PIK3R1: variants seen among roughly 807,000 people sequenced by gnomAD.
The protein encoded by PIK3R1 is phosphoinositide-3-kinase regulatory subunit 1, also known as phosphatidylinositol 3-kinase regulatory subunit alpha.
In PIK3R1, 29 loss-of-function variants were observed where a neutral mutation model predicts 98.0. The ratio of observed to expected loss-of-function variants is 0.30; its 90% CI spans 0.22 to 0.40. The LOEUF (loss-of-function observed/expected upper bound fraction) is 0.40. Ranked by LOEUF, PIK3R1 falls within the 10% of genes least tolerant of loss-of-function variation. The pLI is 1.00. For synonymous variants in PIK3R1, 282 were observed against 311.8 expected (o/e 0.90, Z 1.01); for missense variants, 596 against 872.7 (o/e 0.68, Z 3.99).
At chr5:68,262,775 A>C (rs1457869626) in intron 2 of PIK3R1, among the ~76,000 whole-genome samples, 20 of 113,830 alleles carry the variant, frequency 1.8e-4, no homozygotes, top group Middle Eastern at 5.2e-3. Flanking sequence ...ATACATGTAG[A>C]TGCATGTAGA....
In PIK3R1 at chr5:68,295,297, T is replaced by G. The variant is rs761402403; in HGVS notation, c.1718T>G (p.Leu573Arg). The G allele has an allele frequency of 6.2e-7, 1 of 1,614,146 alleles. No homozygotes were observed. Among genetic ancestry groups the G allele is most frequent in the South Asian group, 1.1e-5 (1 of 91,080 alleles). Residue 573 changes from leucine (L) to arginine (R), a missense_variant, in exon 13 of 16, where the codon CTG becomes CGG. Transcript: ENST00000521381. ...AGCATTAAACCAGACCTTATCCAGC[T>G]GAGAAAGACGAGAGACCAATACTTG... is the stretch of plus-strand genomic sequence containing the variant. ...MNSIKPDLIQ[L>R]RKTRDQYLMW...
chr5:68,292,736 G>C lies in PIK3R1; in HGVS notation c.1020-365G>C, dbSNP rs1179574253. The stretch of plus-strand genomic sequence containing the variant: ...TTTGGGAAGGGGGAGTAAGGTTGGA[G>C]AAACTCTTTTGAGATCATGAGTTTC... On this transcript the variant is annotated intron_variant, in intron 8 of 15. Coordinates refer to ENST00000521381, the MANE Select transcript of PIK3R1 (RefSeq NM_181523.3). The C allele has an allele frequency of 3.1e-6, 4 of 1,274,554 alleles. No individual in the cohort carries two copies. In the Admixed American group the frequency reaches 1.5e-4, roughly 47 times the overall value. The allele number at this position is 1,274,554 out of a possible 1,614,324, so 79.0% of individuals were successfully genotyped here. A position where few individuals can be genotyped will look rare whatever the true frequency, so the allele number is the denominator to read the frequency against.
At chr5:68,291,461 ATTTAT>A (rs1231185039) in intron 7 of PIK3R1, 1 of 152,150 alleles carries the variant, frequency 6.6e-6, no homozygotes, top group African/African-American at 2.4e-5. Context: ...AAAATCCTAG[ATTTAT>A]TTTGTTTCCT....
intron 8 of PIK3R1, 29 bp from the exon 9 acceptor site, chr5:68,293,072 A>T (rs1224391791): frequency 6.5e-7 from 1 of 1,535,082 alleles, no homozygotes; most frequent in East Asian, 2.3e-5. Context: ...AAACCTTAAG[A>T]TGAGCATTGT....
chr5:68,263,511 A>G (rs2112127881), intron 2 of PIK3R1, among the ~76,000 whole-genome samples: 1 of 152,066 alleles, frequency 6.6e-6, no homozygotes, highest in East Asian at 1.9e-4. Flanking sequence ...TGTTTATTTC[A>G]CTACTGATCA....
chr5:68,249,433 C>T lies in PIK3R1; in HGVS notation c.334+22424C>T, dbSNP rs1019893557. On this transcript the variant is annotated intron_variant, in intron 2 of 15. Coordinates refer to ENST00000521381, the MANE Select transcript of PIK3R1 (RefSeq NM_181523.3). ...TTATATTTCCATAAAACCAGATGTACGGGGTTGTTAAAATACTGCCTGGAC... is the reference window on the plus strand; with the variant it reads ...TTATATTTCCATAAAACCAGATGTATGGGGTTGTTAAAATACTGCCTGGAC... 5.3e-5 allele frequency among the ~76,000 whole-genome samples: 8 copies of T among 152,102 alleles called. No homozygotes were observed. In the East Asian group the frequency reaches 5.8e-4, roughly 11 times the overall value.
intron 7 of PIK3R1, chr5:68,290,922 T>G (rs1420140216): frequency 4.8e-6 from 4 of 834,038 alleles, no homozygotes; most frequent in Non-Finnish European, 5.6e-6. Flanking sequence ...CTTTTTGGAT[T>G]TCTGTTTTTA....
At chr5:68,262,892 T>TAG (rs1419490423) in intron 2 of PIK3R1, among the ~76,000 whole-genome samples, 7 of 111,870 alleles carry the variant, frequency 6.3e-5, no homozygotes, top group East Asian at 5.6e-4. Context: ...TAGATACATG[T>TAG]ATACATATAT....
At chr5:68,258,022 C>T (rs1745593452) in intron 2 of PIK3R1, among the ~76,000 whole-genome samples, 1 of 152,170 alleles carries the variant, frequency 6.6e-6, no homozygotes, top group African/African-American at 2.4e-5. Flanking sequence ...AAACTGGAAG[C>T]AGATATTTGA....
intron 2 of PIK3R1, among the ~76,000 whole-genome samples, chr5:68,247,804 G>A (rs757460727): frequency 3.8e-4 from 58 of 152,206 alleles, no homozygotes; most frequent in Admixed American, 6.5e-4. Flanking sequence ...CCTGCCCAAC[G>A]GGACAGGCCA....
rs569759755 is a variant in PIK3R1 at position 68,294,911 on chromosome 5, G to A, written c.1568+233G>A. Among the ~76,000 whole-genome samples, 54 of 150,702 alleles carry A rather than the reference G, an allele frequency of 3.6e-4. No individual in the cohort carries two copies. The East Asian group carries it at 0.01, about 29-fold the overall frequency. ...ACCAGCATGGCACATGTATACATAT[G>A]TAACTAACCTGCACAATGTGCACAT... On this transcript the variant is annotated intron_variant, in intron 12 of 15. Transcript: ENST00000521381.
chr5:68,281,601 T>C (rs1370892126), intron 7 of PIK3R1, among the ~76,000 whole-genome samples: 1 of 152,212 alleles, frequency 6.6e-6, no homozygotes, highest in African/African-American at 2.4e-5. Flanking sequence ...TGTATTTTTC[T>C]TCTACCGTGG....
intron 7 of PIK3R1, among the ~76,000 whole-genome samples, chr5:68,283,105 C>A (rs150923146): frequency 6.6e-5 from 10 of 152,318 alleles, no homozygotes; most frequent in Middle Eastern, 3.4e-3. Context: ...TTCTTAGAGT[C>A]CTTCAGCATT....
intron 2 of PIK3R1, among the ~76,000 whole-genome samples, chr5:68,263,510 C>A (rs914490733): frequency 6.6e-6 from 1 of 151,894 alleles, no homozygotes; most frequent in South Asian, 2.1e-4. Flanking sequence ...TTGTTTATTT[C>A]ACTACTGATC....
chr5:68,270,909 A>G (rs1238690502), intron 2 of PIK3R1, among the ~76,000 whole-genome samples: 2 of 152,154 alleles, frequency 1.3e-5, no homozygotes, highest in East Asian at 1.9e-4. Context: ...TCATTTTATA[A>G]TATTTCTTTT....
rs570960711 is a variant in PIK3R1 at position 68,299,420 on chromosome 5, A to G, written c.*1819A>G. Reference sequence around the variant, plus strand: ...CCTTCTCATTCATTCTAATCATTGTATGTGCTTCACTACGGGGGGGAGAAG... The same window carrying G: ...CCTTCTCATTCATTCTAATCATTGTGTGTGCTTCACTACGGGGGGGAGAAG... On this transcript the variant is annotated 3_prime_UTR_variant, in exon 16 of 16. Transcript: ENST00000521381. 2.5e-4 allele frequency: 58 copies of G among 233,162 alleles called. No homozygotes were observed. In the Middle Eastern group the frequency reaches 3.8e-3, roughly 15 times the overall value. 14.4% of individuals were successfully genotyped at this position (233,162 alleles called of 1,614,324 possible).
At chr5:68,245,836 G>A (rs1745062541) in intron 2 of PIK3R1, among the ~76,000 whole-genome samples, 1 of 152,224 alleles carries the variant, frequency 6.6e-6, no homozygotes, top group African/African-American at 2.4e-5. Flanking sequence ...TTTATGGAGA[G>A]TAGTAATGAA....
At chr5:68,221,004 C>T (rs184543169) in intron 1 of PIK3R1, among the ~76,000 whole-genome samples, 10 of 152,286 alleles carry the variant, frequency 6.6e-5, no homozygotes, top group Admixed American at 5.9e-4. Context: ...AGGCTGTGCT[C>T]TCTTGAATGG....
At chr5:68,293,600 C>T (rs771493800) in intron 10 of PIK3R1, 109 bp from the exon 11 acceptor site, 74 of 1,152,376 alleles carry the variant, frequency 6.4e-5, no homozygotes, top group Non-Finnish European at 8.6e-5. Context: ...ACTTGACACT[C>T]GTAATTACAT....
Sources: allele counts gnomAD v4.1 joint callset (sites outside exome capture counted in the v4.1 genomes callset), GRCh38; gene constraint gnomAD v4.1.1; transcripts MANE v1.5; gene names NCBI Gene and HGNC (gene_info 2026-07-23, HGNC 2026-07-21).